SLC5A1: variants seen among roughly 807,000 people sequenced by gnomAD.
SLC5A1 encodes the protein sodium/glucose cotransporter 1.
In SLC5A1, 42 loss-of-function variants were observed where a neutral mutation model predicts 73.5. The observed-to-expected ratio is 0.57, with a 90% CI of 0.45 to 0.74. The LOEUF (loss-of-function observed/expected upper bound fraction) is 0.74. Among genes scored for constraint, SLC5A1 ranks in the 30% least tolerant of loss-of-function variants. The probability of loss-of-function intolerance (pLI) is 0.00; values close to 1 mark genes in which losing one functional copy is unlikely to be tolerated. For synonymous variants in SLC5A1, 300 were observed against 317.4 expected, an observed-to-expected ratio of 0.95 and a Z score of 0.58; for missense variants, 634 against 855.4, an observed-to-expected ratio of 0.74 and a Z score of 3.23.
chr22:32,099,599 T>A (rs1002902446), intron 12 of SLC5A1, among the ~76,000 whole-genome samples: 17 of 151,900 alleles, frequency 1.1e-4, no homozygotes, highest in African/African-American at 1.9e-4. Flanking sequence ...TTCTTAAAAA[T>A]TTTTTTTAAT....
intron 7 of SLC5A1, 81 bp from the exon 8 acceptor site, chr22:32,084,358 T>C: frequency 7.8e-7 from 1 of 1,286,686 alleles, no homozygotes; most frequent in Non-Finnish European, 1.1e-6. Flanking sequence ...GTCCTCTCAG[T>C]TTCTCAGGCA....
intron 14 of SLC5A1, among the ~76,000 whole-genome samples, chr22:32,108,027 T>C (rs781620556): frequency 2.0e-5 from 3 of 152,162 alleles, no homozygotes; most frequent in African/African-American, 4.8e-5. Flanking sequence ...TTAAGGCAGA[T>C]AACGCAAGTA....
chr22:32,045,289 T>C (rs1286503689), intron 1 of SLC5A1, among the ~76,000 whole-genome samples: 1 of 152,242 alleles, frequency 6.6e-6, no homozygotes, highest in African/African-American at 2.4e-5. Context: ...TAGGTGTTTA[T>C]ACTTTTTAAA....
chr22:32,084,635 C>T lies in SLC5A1; in HGVS notation c.861C>T (p.Thr287=), dbSNP rs202084219. 1 of 1,613,974 alleles carries T rather than the reference C, an allele frequency of 6.2e-7. No individual in the cohort carries two copies. The highest frequency in any genetic ancestry group is 8.5e-7 in the Non-Finnish European group (1 of 1,179,972). The part of the protein sequence containing the change: ...PGFIFGMSIL[T]LWYWCTDQVI... ...TCATCTTTGGGATGTCCATCCTTAC[C>T]TTGTGGTACTGGTGCACAGATCAGG... The change falls in exon 8 of 15, where the codon ACC becomes ACT. Residue 287 remains threonine, a synonymous_variant. Transcript: ENST00000266088.
chr22:32,058,747 T>C (rs1008493964), intron 2 of SLC5A1, among the ~76,000 whole-genome samples: 4 of 152,218 alleles, frequency 2.6e-5, no homozygotes, highest in Non-Finnish European at 5.9e-5. Context: ...GTTCCCCTTA[T>C]GGTCTTGTTC....
In SLC5A1 at chr22:32,084,931, A is replaced by G; in HGVS notation, c.917A>G (p.Asn306Ser). ...GTGCAGCGCTGCCTCTCAGCCAAGAATATGTCTCACGTGAAGGGTGGCTGC... is the reference window on the plus strand; with the variant it reads ...GTGCAGCGCTGCCTCTCAGCCAAGAGTATGTCTCACGTGAAGGGTGGCTGC... ...VIVQRCLSAK[N>S]MSHVKGGCIL... The change falls in exon 9 of 15, where the codon AAT becomes AGT. Residue 306 changes from asparagine (N) to serine (S), a missense_variant. This residue lies in a region of SLC5A1 where 422 missense variants were observed against 626.1 expected (regional missense o/e 0.67). Transcript: ENST00000266088. 1 of 1,614,206 alleles carries G rather than the reference A, an allele frequency of 6.2e-7. No homozygotes were observed.
chr22:32,109,812 C>T (rs2094052919), intron 14 of SLC5A1, among the ~76,000 whole-genome samples, 178 bp from the exon 15 acceptor site: 1 of 152,150 alleles, frequency 6.6e-6, no homozygotes, highest in African/African-American at 2.4e-5. Context: ...TTTGTTGGAA[C>T]ATTTTCTACC....
At chr22:32,061,712 C>T (rs1372558698) in intron 2 of SLC5A1, among the ~76,000 whole-genome samples, 2 of 152,148 alleles carry the variant, frequency 1.3e-5, no homozygotes, top group East Asian at 1.9e-4. Context: ...CTAGGTCCTC[C>T]GTACTGCCAA....
At chr22:32,064,971 T>A (rs1385817780) in intron 2 of SLC5A1, among the ~76,000 whole-genome samples, 1 of 152,084 alleles carries the variant, frequency 6.6e-6, no homozygotes, top group Non-Finnish European at 1.5e-5. Flanking sequence ...TGAGTCAGGG[T>A]CTCACTCTGT....
Position 32,110,674 on chromosome 22 carries a change from A to G in SLC5A1, c.*461A>G, listed in dbSNP as rs201218092. On this transcript the variant is annotated 3_prime_UTR_variant, in exon 15 of 15. Transcript: ENST00000266088. ...TTTTCCCCTCATCATATCCCTCTTG[A>G]GTTTTGCCTGGACTTTCCCTCTCAA... 1 of 257,264 alleles carries G rather than the reference A, an allele frequency of 3.9e-6. No homozygotes were observed. The highest frequency in any genetic ancestry group is 7.6e-6 in the Non-Finnish European group (1 of 132,418). 15.9% of individuals were successfully genotyped at this position (257,264 alleles called of 1,614,324 possible).
chr22:32,059,558 G>A (rs919608761), intron 2 of SLC5A1, among the ~76,000 whole-genome samples: 3 of 152,148 alleles, frequency 2.0e-5, no homozygotes, highest in Non-Finnish European at 2.9e-5. Context: ...CCAGAGTGGA[G>A]GGGACATGGC....
chr22:32,045,281 G>A (rs1027808429), intron 1 of SLC5A1, among the ~76,000 whole-genome samples: 2 of 152,162 alleles, frequency 1.3e-5, no homozygotes, highest in African/African-American at 2.4e-5. Context: ...CAGTCTAGTA[G>A]GTGTTTATAC....
chr22:32,076,409 G>A (rs2093991052), intron 5 of SLC5A1, among the ~76,000 whole-genome samples: 1 of 152,192 alleles, frequency 6.6e-6, no homozygotes, highest in Non-Finnish European at 1.5e-5. Flanking sequence ...TTATGCAAAT[G>A]TGCACAATCC....
At chr22:32,096,270 A>G (rs949605178) in intron 11 of SLC5A1, among the ~76,000 whole-genome samples, 3 of 152,150 alleles carry the variant, frequency 2.0e-5, no homozygotes, top group Admixed American at 6.5e-5. Context: ...GTTAGAAGGG[A>G]CATAAGAAAC....
intron 11 of SLC5A1, among the ~76,000 whole-genome samples, chr22:32,092,767 T>A (rs2094020182): frequency 6.6e-6 from 1 of 152,234 alleles, no homozygotes; most frequent in South Asian, 2.1e-4. Flanking sequence ...GCCCGTTTAC[T>A]CTGCTAACTG....
chr22:32,060,158 C>T (rs762159841), intron 2 of SLC5A1, among the ~76,000 whole-genome samples: 11,489 of 127,328 alleles, frequency 0.09, 618 homozygotes, highest in Non-Finnish European at 0.13. Context: ...CACACACACA[C>T]ACACACACAC....
chr22:32,086,291 G>A lies in SLC5A1; in HGVS notation c.1093G>A (p.Ala365Thr), dbSNP rs1248943404. 6 of 1,613,616 alleles carry A rather than the reference G, an allele frequency of 3.7e-6. No individual in the cohort carries two copies. Among genetic ancestry groups the A allele is most frequent in the Non-Finnish European group, 5.1e-6 (6 of 1,179,678 alleles). Residue 365 changes from alanine to threonine, a missense_variant, in exon 10 of 15, where the codon GCC (alanine) becomes ACC (threonine). Ala to Thr is a moderately conservative substitution (Grantham distance 58). This residue lies in a region of SLC5A1 where 422 missense variants were observed against 626.1 expected (regional missense o/e 0.67). Transcript: ENST00000266088. ...CGTKVGCTNI[A>T]YPTLVVELMP... is the part of the protein sequence containing the mutation. Reference sequence around the variant, plus strand: ...TACCAAGGTTGGCTGTACCAACATCGCCTATCCAACCTTAGTGGTGGAGCT... The same window carrying A: ...TACCAAGGTTGGCTGTACCAACATCACCTATCCAACCTTAGTGGTGGAGCT...
intron 9 of SLC5A1, 21 bp downstream of exon 9, chr22:32,085,056 C>T (rs202056584): frequency 6.2e-7 from 1 of 1,613,940 alleles, no homozygotes; most frequent in Non-Finnish European, 8.5e-7. Context: ...CTGCTGGACC[C>T]ACAAACCACT....
At chr22:32,077,148 G>A (rs181853219) in intron 5 of SLC5A1, among the ~76,000 whole-genome samples, 38 of 152,242 alleles carry the variant, frequency 2.5e-4, no homozygotes, top group South Asian at 2.1e-4. Flanking sequence ...CTTCAAGTTG[G>A]TTTTGCTTAG....
Sources: allele counts gnomAD v4.1 joint callset (sites outside exome capture counted in the v4.1 genomes callset), GRCh38; gene constraint gnomAD v4.1.1; regional missense constraint gnomAD v4.1.1; transcripts MANE v1.5; gene names NCBI Gene and HGNC (gene_info 2026-07-23, HGNC 2026-07-21).